STK17B: variants seen among roughly 807,000 people sequenced by gnomAD.
STK17B encodes the protein serine/threonine kinase 17b, also known as serine/threonine-protein kinase 17B.
A neutral mutation model predicts 42.0 loss-of-function variants in STK17B; 21 were observed. The observed-to-expected ratio is 0.50, with a 90% CI of 0.35 to 0.72. STK17B has a LOEUF of 0.72. STK17B is among the 30% of genes least tolerant of loss of function. The probability of loss-of-function intolerance (pLI) is 0.00; values close to 1 mark genes in which losing one functional copy is unlikely to be tolerated. For missense variants in STK17B, 349 were observed against 446.0 expected, an observed-to-expected ratio of 0.78 and a Z score of 1.96; for synonymous variants, 143 against 148.4, an observed-to-expected ratio of 0.96 and a Z score of 0.26.
At chr2:196,143,229 T>A (rs1699517805) in intron 5 of STK17B, among the ~76,000 whole-genome samples, 1 of 151,974 alleles carries the variant, frequency 6.6e-6, no homozygotes, top group Non-Finnish European at 1.5e-5. Context: ...GCCACTTCAC[T>A]GCAGCAGTTT....
chr2:196,139,897 G>C, intron 6 of STK17B, 98 bp from the exon 7 acceptor site: 1 of 871,620 alleles, frequency 1.1e-6, no homozygotes, highest in South Asian at 4.5e-5. Context: ...CTCAAAACTG[G>C]TACGGTTAAA....
rs1442755806 is a variant in STK17B, at chr2:196,136,009, TGATA to T, written c.*1434_*1437del. On this transcript the variant is annotated 3_prime_UTR_variant, in exon 8 of 8. Coordinates refer to ENST00000263955, the MANE Select transcript of STK17B (RefSeq NM_004226.4). ...CACCATGTGGTCAAATAAAGTGACC[TGATA>T]GTTATTCAAAAAGTTTTAAGTTATT... The T allele has an allele frequency of 8.5e-5, 13 of 152,126 alleles. No individual in the cohort carries two copies. The highest frequency in any genetic ancestry group is 3.1e-4 in the African/African-American group (13 of 41,430). The allele number at this position is 152,126 out of a possible 1,614,324, so 9.4% of individuals were successfully genotyped here. A position where few individuals can be genotyped will look rare whatever the true frequency, so the allele number is the denominator to read the frequency against.
chr2:196,139,743 T>C lies in STK17B; in HGVS notation c.713A>G (p.Glu238Gly). 1 of 1,455,464 alleles carries C rather than the reference T, an allele frequency of 6.9e-7. No individual in the cohort carries two copies. The highest frequency in any genetic ancestry group is 9.1e-7 in the Non-Finnish European group (1 of 1,101,128). 90.2% of individuals were successfully genotyped at this position (1,455,464 alleles called of 1,614,324 possible). A position where few individuals can be genotyped will look rare whatever the true frequency, so the allele number is the denominator to read the frequency against. The part of the protein sequence containing the change: ...LLTHTSPFVG[E>G]DNQETYLNIS... ...ATTGAGGTATGTTTCTTGATTATCT[T>C]CTCCCACAAATGGTGATGTGTGAGT... is the stretch of plus-strand genomic sequence containing the variant. The change falls in exon 7 of 8, where the codon GAA (glutamate) becomes GGA (glycine). Residue 238 changes from glutamate (E) to glycine (G), a missense_variant. This residue lies in a region of STK17B where 256 missense variants were observed against 347.7 expected (regional missense o/e 0.74). Coordinates refer to ENST00000263955, the MANE Select transcript of STK17B (RefSeq NM_004226.4).
At chr2:196,168,244 C>T (rs1699894881) in intron 1 of STK17B, among the ~76,000 whole-genome samples, 1 of 152,148 alleles carries the variant, frequency 6.6e-6, no homozygotes. Context: ...GGCAATGACT[C>T]CTAGGCCTGA....
intron 3 of STK17B, among the ~76,000 whole-genome samples, chr2:196,149,674 G>T (rs1699635850): frequency 6.6e-6 from 1 of 152,158 alleles, no homozygotes; most frequent in East Asian, 1.9e-4. Context: ...AGTTACAATA[G>T]AATATGCCCA....
At chr2:196,143,248 C>A (rs1351620344) in intron 5 of STK17B, among the ~76,000 whole-genome samples, 1 of 151,210 alleles carries the variant, frequency 6.6e-6, no homozygotes, top group African/African-American at 2.4e-5. Flanking sequence ...TTTTCTTTTT[C>A]CATTTTTCTC....
chr2:196,172,984 A>G (rs532774960), upstream of STK17B, among the ~76,000 whole-genome samples: 24 of 152,270 alleles, frequency 1.6e-4, no homozygotes, highest in Admixed American at 4.6e-4. Context: ...GGATTACATC[A>G]TTATGGTGGT....
rs967755757 is a variant in STK17B, at chr2:196,146,148, A to G, written c.336-93T>C. On this transcript the variant is annotated intron_variant, in intron 3 of 7. Transcript: ENST00000263955. ...CCTGTTAAGTAAAAGACATACAACT[A>G]TATAAATGTTAATACGTTACACTTA... 3.9e-6 allele frequency: 5 copies of G among 1,292,464 alleles called. No individual in the cohort carries two copies. The Middle Eastern group carries it at 6.4e-4, about 166-fold the overall frequency. 80.1% of individuals were successfully genotyped at this position (1,292,464 alleles called of 1,614,324 possible). A position where few individuals can be genotyped will look rare whatever the true frequency, so the allele number is the denominator to read the frequency against.
intron 1 of STK17B, among the ~76,000 whole-genome samples, chr2:196,169,448 C>G (rs1293214102): frequency 6.6e-6 from 1 of 152,048 alleles, no homozygotes; most frequent in Non-Finnish European, 1.5e-5. Context: ...GGCAATTTAA[C>G]GATTAAGTGA....
intron 3 of STK17B, among the ~76,000 whole-genome samples, chr2:196,149,163 A>T (rs1367251213): frequency 2.1e-5 from 3 of 143,632 alleles, no homozygotes; most frequent in Admixed American, 1.4e-4. Flanking sequence ...GATAACAGCT[A>T]TTTTTTTTTT....
intron 3 of STK17B, among the ~76,000 whole-genome samples, chr2:196,150,064 C>T (rs1162221201): frequency 6.6e-6 from 1 of 150,456 alleles, no homozygotes; most frequent in Non-Finnish European, 1.5e-5. Flanking sequence ...GAACTGATAA[C>T]ACAAGCAGCA....
chr2:196,159,403 C>T (rs1393687892), intron 2 of STK17B, among the ~76,000 whole-genome samples: 3 of 151,598 alleles, frequency 2.0e-5, no homozygotes, highest in African/African-American at 4.8e-5. Flanking sequence ...CTCAACCTCC[C>T]AGGCTCAGAA....
At chr2:196,160,061 A>G (rs548947660) in intron 2 of STK17B, among the ~76,000 whole-genome samples, 3 of 152,356 alleles carry the variant, frequency 2.0e-5, no homozygotes, top group African/African-American at 7.2e-5. Context: ...ATAAAAAATG[A>G]TCTTTAAAAT....
intron 3 of STK17B, among the ~76,000 whole-genome samples, chr2:196,150,110 A>AG (rs1192595757): frequency 2.0e-5 from 3 of 151,610 alleles, no homozygotes; most frequent in Non-Finnish European, 4.4e-5. Context: ...AAAAAGAAAC[A>AG]GAAGCAGTGA....
intron 2 of STK17B, among the ~76,000 whole-genome samples, chr2:196,157,256 C>T (rs1273991537): frequency 6.6e-6 from 1 of 151,968 alleles, no homozygotes; most frequent in African/African-American, 2.4e-5. Context: ...TTAAGTATCA[C>T]AACAATCCTA....
chr2:196,171,345 C>T lies in STK17B; in HGVS notation c.-57G>A, dbSNP rs1398283001. ...GCAGGACACTAACCGCTCCGGCCGC[C>T]GCAGGTTCTCCCGGGACTGCCCCCT... On this transcript the variant is annotated 5_prime_UTR_variant, in exon 1 of 8. Coordinates refer to ENST00000263955, the MANE Select transcript of STK17B (RefSeq NM_004226.4). 1 of 152,804 alleles carries T rather than the reference C, an allele frequency of 6.5e-6. No homozygotes were observed. Among genetic ancestry groups the T allele is most frequent in the African/African-American group, 2.4e-5 (1 of 41,450 alleles). The allele number at this position is 152,804 out of a possible 1,614,324, so 9.5% of individuals were successfully genotyped here. A position where few individuals can be genotyped will look rare whatever the true frequency, so the allele number is the denominator to read the frequency against.
At chr2:196,169,405 G>A (rs1464555986) in intron 1 of STK17B, among the ~76,000 whole-genome samples, 1 of 152,100 alleles carries the variant, frequency 6.6e-6, no homozygotes, top group Non-Finnish European at 1.5e-5. Flanking sequence ...TACAGAAAAT[G>A]TGAATTACAA....
chr2:196,147,736 A>T (rs72919185), intron 3 of STK17B, among the ~76,000 whole-genome samples: 108,291 of 148,646 alleles, frequency 0.73, 39,791 homozygotes, highest in East Asian at 0.89. Context: ...GACATAATAT[A>T]TTTTTTTTTT....
upstream of STK17B, among the ~76,000 whole-genome samples, chr2:196,174,028 G>A (rs938315894): frequency 1.3e-5 from 2 of 152,254 alleles, no homozygotes; most frequent in Admixed American, 6.5e-5. Context: ...CAAGAAGGTG[G>A]CCATTTGCAA....
Sources: allele counts gnomAD v4.1 joint callset (sites outside exome capture counted in the v4.1 genomes callset), GRCh38; gene constraint gnomAD v4.1.1; regional missense constraint gnomAD v4.1.1; transcripts MANE v1.5; gene names NCBI Gene and HGNC (gene_info 2026-07-23, HGNC 2026-07-21).